Variants in CPQ observed in about 807,000 individuals in gnomAD.
CPQ encodes Ser-Met dipeptidase.
Under a neutral mutation model 45.7 loss-of-function variants are expected in CPQ, and 37 were observed. That is an observed-to-expected ratio of 0.81 (90% CI 0.62 to 1.07). The LOEUF is 1.07. CPQ is among the 50% of genes least tolerant of loss of function. CPQ has a pLI of 0.00. For synonymous variants in CPQ, 186 were observed against 205.8 expected (o/e 0.90, Z 0.82); for missense variants, 537 against 572.9 (o/e 0.94, Z 0.64).
intron 6 of CPQ, among the ~76,000 whole-genome samples, chr8:97,043,117 G>A (rs1258108824): frequency 6.6e-6 from 1 of 152,158 alleles, no homozygotes; most frequent in Non-Finnish European, 1.5e-5. Flanking sequence ...ATGTGTGGGA[G>A]TCTAAGTCTC....
chr8:97,106,749 A>C (rs925125880), intron 7 of CPQ, among the ~76,000 whole-genome samples: 1 of 152,148 alleles, frequency 6.6e-6, no homozygotes, highest in Admixed American at 6.5e-5. Context: ...GAGTGAGCAT[A>C]GAGAAGAGAA....
intron 2 of CPQ, among the ~76,000 whole-genome samples, chr8:96,812,566 A>C (rs1811171621): frequency 6.6e-6 from 1 of 152,156 alleles, no homozygotes. Flanking sequence ...TCTTAGGCAG[A>C]TTGTTTTGTT....
At chr8:96,765,905 G>A (rs1208925140) in intron 1 of CPQ, among the ~76,000 whole-genome samples, 1 of 152,158 alleles carries the variant, frequency 6.6e-6, no homozygotes, top group Non-Finnish European at 1.5e-5. Context: ...TGGAGACTGA[G>A]AAATAAACAG....
intron 1 of CPQ, among the ~76,000 whole-genome samples, chr8:96,740,056 A>G (rs1255246306): frequency 1.3e-5 from 2 of 151,946 alleles, no homozygotes; most frequent in Admixed American, 6.6e-5. Context: ...CTTGGGCAGT[A>G]TGGCCATTTT....
chr8:96,767,028 C>T (rs2130795602), intron 1 of CPQ, among the ~76,000 whole-genome samples: 1 of 152,322 alleles, frequency 6.6e-6, no homozygotes. Flanking sequence ...TCACAACAAA[C>T]TTCCCCTCAT....
At chr8:97,039,935 A>G (rs543513845) in intron 6 of CPQ, among the ~76,000 whole-genome samples, 2,861 of 150,868 alleles carry the variant, frequency 0.019, 85 homozygotes, top group African/African-American at 0.066. Flanking sequence ...TAGTGCCACA[A>G]TAAACATACA....
At chr8:97,079,001 AC>A (rs1810902927) in intron 7 of CPQ, among the ~76,000 whole-genome samples, 1 of 151,938 alleles carries the variant, frequency 6.6e-6, no homozygotes, top group African/African-American at 2.4e-5. Flanking sequence ...ATGAGGTCTC[AC>A]TATGTTGCTT....
intron 5 of CPQ, among the ~76,000 whole-genome samples, chr8:96,973,845 G>A (rs1233289700): frequency 1.3e-5 from 2 of 152,172 alleles, no homozygotes; most frequent in Non-Finnish European, 2.9e-5. Flanking sequence ...TACCGAGCCA[G>A]TACTACAAAA....
rs201719687 is a variant in CPQ, at chr8:96,784,889, G to GA, written c.1dup. ...ATTATCTTAACAAGAAAACCAACTG[G>GA]AAAAAAAAATGAAATTCCTTATCTT... On this transcript the variant is annotated 5_prime_UTR_variant, in exon 2 of 8. Transcript: ENST00000220763. 802 of 1,566,230 alleles carry GA rather than the reference G, an allele frequency of 5.1e-4. 4 individuals are homozygous for GA. In the African/African-American group the frequency reaches 8.2e-3, roughly 16 times the overall value.
intron 3 of CPQ, among the ~76,000 whole-genome samples, chr8:96,872,074 C>A (rs1010425988): frequency 3.2e-4 from 48 of 151,914 alleles, no homozygotes; most frequent in African/African-American, 1.0e-3. Flanking sequence ...ATTGATCATC[C>A]CTTATCCAAA....
chr8:96,922,687 G>A (rs1010306410), intron 4 of CPQ, among the ~76,000 whole-genome samples: 5 of 152,116 alleles, frequency 3.3e-5, no homozygotes, highest in Non-Finnish European at 7.4e-5. Context: ...CAACCTAAAA[G>A]CATTTCAATA....
At chr8:96,854,550 A>AAAAAAAAAAAAAAAC in intron 3 of CPQ, among the ~76,000 whole-genome samples, 1 of 119,038 alleles carries the variant, frequency 8.4e-6, no homozygotes, top group African/African-American at 3.1e-5. Flanking sequence ...AAAAAAAAAA[A>AAAAAAAAAAAAAAAC]AAAAAAAAAT....
intron 1 of CPQ, among the ~76,000 whole-genome samples, chr8:96,748,824 G>GT (rs1206319343): frequency 1.3e-5 from 2 of 152,120 alleles, no homozygotes; most frequent in Non-Finnish European, 2.9e-5. Flanking sequence ...GAGCACTGGT[G>GT]TTTTTTGTGA....
At chr8:96,718,709 G>A (rs1308968042) in intron 1 of CPQ, among the ~76,000 whole-genome samples, 8 of 152,252 alleles carry the variant, frequency 5.3e-5, no homozygotes, top group South Asian at 4.1e-4. Flanking sequence ...TGGTAGAGCC[G>A]AGTGGTCTGT....
chr8:96,657,353 A>G (rs1234663469), intron 1 of CPQ, among the ~76,000 whole-genome samples: 1 of 152,142 alleles, frequency 6.6e-6, no homozygotes, highest in Non-Finnish European at 1.5e-5. Context: ...TCAAAAAAAA[A>G]TCCTCTCTCT....
In CPQ at chr8:96,687,066, C is replaced by T. The variant is rs114760938; in HGVS notation, c.-35+41664C>T. 5.5e-3 allele frequency among the ~76,000 whole-genome samples: 830 copies of T among 152,030 alleles called. 8 individuals carry two copies. Among genetic ancestry groups the T allele is most frequent in the African/African-American group, 0.017 (695 of 41,486 alleles). The stretch of plus-strand genomic sequence containing the variant: ...ATCCTTATAATTAAAAATGTTTTGG[C>T]GAGTTAAAGGTTTTGTTTCGTGTTA... On this transcript the variant is annotated intron_variant, in intron 1 of 7. Coordinates refer to ENST00000220763, the MANE Select transcript of CPQ (RefSeq NM_016134.4).
chr8:96,970,723 C>T (rs1339408217), intron 5 of CPQ, among the ~76,000 whole-genome samples: 1 of 152,042 alleles, frequency 6.6e-6, no homozygotes, highest in African/African-American at 2.4e-5. Context: ...GCTACCACGC[C>T]CGGCTAATTT....
At chr8:96,800,765 T>A (rs910121089) in intron 2 of CPQ, among the ~76,000 whole-genome samples, 2 of 152,150 alleles carry the variant, frequency 1.3e-5, no homozygotes, top group African/African-American at 4.8e-5. Flanking sequence ...GCACACAGAA[T>A]AATATTTTAT....
intron 7 of CPQ, among the ~76,000 whole-genome samples, chr8:97,081,658 C>G (rs1009742376): frequency 2.6e-5 from 4 of 152,114 alleles, no homozygotes; most frequent in African/African-American, 7.2e-5. Flanking sequence ...GAATAGCACC[C>G]CTGTACTTGT....
Sources: allele counts gnomAD v4.1 joint callset (sites outside exome capture counted in the v4.1 genomes callset), GRCh38; gene constraint gnomAD v4.1.1; transcripts MANE v1.5; gene names NCBI Gene and HGNC (gene_info 2026-07-23, HGNC 2026-07-21).